The following ARHGAP26 variants were observed in gnomAD, a reference collection of about 807,000 sequenced individuals.
The protein encoded by ARHGAP26 is rho GTPase-activating protein 26.
In ARHGAP26, 38 loss-of-function variants were observed where a neutral mutation model predicts 104.8. The ratio of observed to expected loss-of-function variants is 0.36; its 90% CI spans 0.28 to 0.48. The LOEUF (loss-of-function observed/expected upper bound fraction) is 0.48. Ranked by LOEUF, ARHGAP26 falls within the 20% of genes least tolerant of loss-of-function variation. ARHGAP26 has a pLI of 0.99. For synonymous variants in ARHGAP26, 341 were observed against 340.0 expected, an observed-to-expected ratio of 1.00 and a Z score of -0.03; for missense variants, 704 against 947.9, an observed-to-expected ratio of 0.74 and a Z score of 3.38.
At chr5:142,823,885 G>A (rs1289979119) in intron 1 of ARHGAP26, among the ~76,000 whole-genome samples, 4 of 152,196 alleles carry the variant, frequency 2.6e-5, no homozygotes, top group African/African-American at 7.2e-5. Context: ...AAGGCCTGTC[G>A]TGACAGAATT....
chr5:142,793,274 T>TA (rs1554108323), intron 1 of ARHGAP26, among the ~76,000 whole-genome samples: 2 of 147,334 alleles, frequency 1.4e-5, no homozygotes, highest in Admixed American at 6.8e-5. Flanking sequence ...TTTTTTTTTT[T>TA]AATCTATCTT....
intron 11 of ARHGAP26, among the ~76,000 whole-genome samples, chr5:142,995,225 G>C (rs1318777499): frequency 6.6e-6 from 1 of 152,164 alleles, no homozygotes; most frequent in African/African-American, 2.4e-5. Context: ...AGCGTGAACA[G>C]GCAACCTACA....
chr5:143,216,230 G>A (rs756737380), intron 22 of ARHGAP26: 20 of 471,210 alleles, frequency 4.2e-5, no homozygotes, highest in East Asian at 6.9e-5. Context: ...CTGCCACACC[G>A]AAGCTCCGGG....
intron 1 of ARHGAP26, among the ~76,000 whole-genome samples, chr5:142,862,259 A>G (rs915122381): frequency 6.6e-6 from 1 of 152,188 alleles, no homozygotes; most frequent in Admixed American, 6.5e-5. Flanking sequence ...AGGCAGGCCT[A>G]AGGATGTGGA....
At chr5:143,038,113 A>C (rs1215631713) in intron 13 of ARHGAP26, among the ~76,000 whole-genome samples, 1 of 152,190 alleles carries the variant, frequency 6.6e-6, no homozygotes, top group Non-Finnish European at 1.5e-5. Flanking sequence ...TTTCCACTGG[A>C]TTTGATTTGA....
At chr5:143,219,675 A>G (rs1198189385) in intron 22 of ARHGAP26, among the ~76,000 whole-genome samples, 1 of 152,194 alleles carries the variant, frequency 6.6e-6, no homozygotes, top group Non-Finnish European at 1.5e-5. Flanking sequence ...TCTATTAGTA[A>G]ATGACAATTT....
chr5:142,949,316 G>A (rs994900975), intron 11 of ARHGAP26, among the ~76,000 whole-genome samples: 1 of 132,266 alleles, frequency 7.6e-6, no homozygotes, highest in Non-Finnish European at 1.6e-5. Context: ...CAGAGGCCAA[G>A]TGATGAATAT....
intron 20 of ARHGAP26, among the ~76,000 whole-genome samples, chr5:143,149,874 CT>C (rs1255273940): frequency 2.0e-5 from 3 of 152,098 alleles, no homozygotes; most frequent in Non-Finnish European, 4.4e-5. Context: ...TATTTCACTC[CT>C]TTATTTCACT....
At chr5:142,965,705 A>C (rs1771207848) in intron 11 of ARHGAP26, among the ~76,000 whole-genome samples, 1 of 152,222 alleles carries the variant, frequency 6.6e-6, no homozygotes, top group Non-Finnish European at 1.5e-5. Flanking sequence ...TTCTTGTCTT[A>C]TATTTTATTA....
At chr5:142,779,730 T>A (rs114544610) in intron 1 of ARHGAP26, among the ~76,000 whole-genome samples, 18 of 152,338 alleles carry the variant, frequency 1.2e-4, no homozygotes, top group African/African-American at 4.3e-4. Flanking sequence ...TTCAGATAGA[T>A]CTCCAAGCTG....
chr5:143,227,739 T>C lies in ARHGAP26; in HGVS notation c.*5293T>C, dbSNP rs186104772. ...CTTCCAGTGGAAGCACCTGTATTAT[T>C]GAGAGGAAAAAGTGTTGGATGCAAA... On this transcript the variant is annotated 3_prime_UTR_variant, in exon 23 of 23. Transcript: ENST00000645722. 9.3e-5 allele frequency: 21 copies of C among 226,804 alleles called. No individual in the cohort carries two copies. Among genetic ancestry groups the C allele is most frequent in the Admixed American group, 6.3e-4 (11 of 17,560 alleles). 14.0% of individuals were successfully genotyped at this position (226,804 alleles called of 1,614,324 possible). A position where few individuals can be genotyped will look rare whatever the true frequency, so the allele number is the denominator to read the frequency against.
At chr5:143,165,931 A>T in intron 20 of ARHGAP26, 1 of 778,998 alleles carries the variant, frequency 1.3e-6, no homozygotes, top group Non-Finnish European at 1.8e-6. Flanking sequence ...GAAATGAAAT[A>T]GTTCATGTAG....
intron 20 of ARHGAP26, among the ~76,000 whole-genome samples, chr5:143,173,534 C>T (rs534920823): frequency 8.5e-5 from 13 of 152,284 alleles, no homozygotes; most frequent in African/African-American, 2.6e-4. Flanking sequence ...TCAACATTTC[C>T]GAATTCAGGC....
At position 143,098,025 on chromosome 5, in the gene ARHGAP26, C is replaced by T. The variant is rs78661332; in HGVS notation, c.1539-22963C>T. On this transcript the variant is annotated intron_variant, in intron 17 of 22. Transcript: ENST00000645722. ...AGTTGTAGTTCTGCCTTGGAATCTT[C>T]TCAGAATTCCATACAGTTTTTACTA... Among the ~76,000 whole-genome samples the T allele has an allele frequency of 7.3e-3, 1,107 of 152,198 alleles. 11 individuals are homozygous for T. The highest frequency in any genetic ancestry group is 0.026 in the African/African-American group (1,063 of 41,540).
At chr5:142,913,339 T>C (rs776290613) in intron 10 of ARHGAP26, 46 bp downstream of exon 10, 1 of 1,545,124 alleles carries the variant, frequency 6.5e-7, no homozygotes, top group Non-Finnish European at 8.9e-7. Context: ...GAGCTGAATT[T>C]CTATATCTTA....
intron 11 of ARHGAP26, among the ~76,000 whole-genome samples, chr5:143,004,366 C>T (rs1777646824): frequency 6.6e-6 from 1 of 152,202 alleles, no homozygotes; most frequent in Non-Finnish European, 1.5e-5. Context: ...GCTCCATCCA[C>T]CACTTGACTC....
intron 5 of ARHGAP26, among the ~76,000 whole-genome samples, chr5:142,893,865 T>C (rs1410058617): frequency 6.6e-6 from 1 of 152,092 alleles, no homozygotes; most frequent in Non-Finnish European, 1.5e-5. Context: ...AATATACCCT[T>C]TGGCTATTTG....
chr5:142,873,338 G>GTT (rs1755613419), intron 1 of ARHGAP26, 62 bp from the exon 2 acceptor site: 1 of 1,308,350 alleles, frequency 7.6e-7, no homozygotes, highest in East Asian at 2.4e-5. Flanking sequence ...AATAAGGGCA[G>GTT]CAAATCAGAA....
At chr5:142,945,013 C>T (rs955766169) in intron 11 of ARHGAP26, among the ~76,000 whole-genome samples, 1 of 152,160 alleles carries the variant, frequency 6.6e-6, no homozygotes, top group African/African-American at 2.4e-5. Context: ...TACCTCTCAC[C>T]TGGGCTGTCC....
Sources: allele counts gnomAD v4.1 joint callset (sites outside exome capture counted in the v4.1 genomes callset), GRCh38; gene constraint gnomAD v4.1.1; transcripts MANE v1.5; gene names NCBI Gene and HGNC (gene_info 2026-07-23, HGNC 2026-07-21).